The following BAZ1B variants were observed in gnomAD, a reference collection of about 807,000 sequenced individuals.
The protein encoded by BAZ1B is tyrosine-protein kinase BAZ1B.
In BAZ1B, 22 loss-of-function variants were observed where a neutral mutation model predicts 153.8. The ratio of observed to expected loss-of-function variants is 0.14; its 90% CI spans 0.10 to 0.20. BAZ1B has a LOEUF of 0.20. BAZ1B is among the 10% of genes least tolerant of loss of function. The pLI is 1.00. For synonymous variants in BAZ1B, 676 were observed against 633.4 expected (o/e 1.07, Z -1.01); for missense variants, 1,325 against 1,799.3 (o/e 0.74, Z 4.77).
chr7:73,460,989 T>G (rs1788375623), intron 12 of BAZ1B, among the ~76,000 whole-genome samples: 1 of 152,098 alleles, frequency 6.6e-6, no homozygotes, highest in African/African-American at 2.4e-5. Flanking sequence ...TGTTGTTGTT[T>G]TTTGAGACGG....
Position 73,474,464 on chromosome 7 carries a change from A to T in BAZ1B, c.2593+2404T>A, listed in dbSNP as rs528754648. Among the ~76,000 whole-genome samples, 450 of 152,312 alleles carry T rather than the reference A, an allele frequency of 3.0e-3. 3 individuals are homozygous for T. The highest frequency in any genetic ancestry group is 5.5e-3 in the Non-Finnish European group (376 of 68,010). On this transcript the variant is annotated intron_variant, in intron 7 of 19. Coordinates refer to ENST00000339594, the MANE Select transcript of BAZ1B (RefSeq NM_032408.4). ...AAATTTAAAAAACTTTTGTGCTTCAAATGATACTACTAAGAAAGTGAAAGG... is the reference window on the plus strand; with the variant it reads ...AAATTTAAAAAACTTTTGTGCTTCATATGATACTACTAAGAAAGTGAAAGG...
At chr7:73,456,699 T>C (rs1788213276) in intron 13 of BAZ1B, among the ~76,000 whole-genome samples, 1 of 151,956 alleles carries the variant, frequency 6.6e-6, no homozygotes, top group African/African-American at 2.4e-5. Flanking sequence ...GCCAGCACTC[T>C]GGGAGGCCAT....
intron 6 of BAZ1B, among the ~76,000 whole-genome samples, chr7:73,483,894 C>A (rs1436874977): frequency 1.3e-5 from 2 of 151,018 alleles, no homozygotes; most frequent in East Asian, 1.9e-4. Context: ...CCCACCTCAG[C>A]CCCTCAAACT....
rs1399242939 is a variant in BAZ1B at position 73,485,617 on chromosome 7, C to T, written c.891+3577G>A. Among the ~76,000 whole-genome samples, 6 of 135,316 alleles carry T rather than the reference C, an allele frequency of 4.4e-5. No individual in the cohort carries two copies. The East Asian group carries it at 1.0e-3, about 23-fold the overall frequency. The allele number at this position is 135,316 out of a possible 152,430, so 88.8% of individuals were successfully genotyped here. A position where few individuals can be genotyped will look rare whatever the true frequency, so the allele number is the denominator to read the frequency against. ...TCTAACCTGGGAGACAGCATAAGGC[C>T]TACCTCAGAAAAAAAAAAAAAAAAA... On this transcript the variant is annotated intron_variant, in intron 6 of 19. Transcript: ENST00000339594.
At chr7:73,474,818 A>G (rs1554572544) in intron 7 of BAZ1B, among the ~76,000 whole-genome samples, 1 of 152,186 alleles carries the variant, frequency 6.6e-6, no homozygotes, top group East Asian at 1.9e-4. Flanking sequence ...ATAGATGAAA[A>G]TATTTGTAGA....
At chr7:73,476,293 A>G (rs1788997195) in intron 7 of BAZ1B, among the ~76,000 whole-genome samples, 1 of 152,220 alleles carries the variant, frequency 6.6e-6, no homozygotes, top group Non-Finnish European at 1.5e-5. Context: ...AAGTGAACTA[A>G]TTATACTGTA....
intron 4 of BAZ1B, 56 bp downstream of exon 4, chr7:73,498,441 A>G (rs1790001806): frequency 6.6e-7 from 1 of 1,518,706 alleles, no homozygotes; most frequent in Non-Finnish European, 9.1e-7. Context: ...AGATGTGTTC[A>G]TAATAAAATA....
intron 6 of BAZ1B, among the ~76,000 whole-genome samples, chr7:73,486,309 T>G (rs1554574469): frequency 6.6e-6 from 1 of 152,060 alleles, no homozygotes; most frequent in African/African-American, 2.4e-5. Context: ...TCACTATGGG[T>G]CCTTTGGTAA....
rs758880725 is a variant in BAZ1B at position 73,522,204 on chromosome 7, T to C, written c.-271A>G. 2.1e-4 allele frequency: 84 copies of C among 390,872 alleles called. No individual in the cohort carries two copies. The highest frequency in any genetic ancestry group is 2.9e-4 in the Non-Finnish European group (65 of 221,212). The allele number at this position is 390,872 out of a possible 1,614,324, so 24.2% of individuals were successfully genotyped here. On this transcript the variant is annotated 5_prime_UTR_variant, in exon 1 of 20. Coordinates refer to ENST00000339594, the MANE Select transcript of BAZ1B (RefSeq NM_032408.4). ...CGCTTCGGGTCCCGGCGGCCGGCAGTCACGACTCCTCCTCAGCAGCACCGG... is the reference window on the plus strand; with the variant it reads ...CGCTTCGGGTCCCGGCGGCCGGCAGCCACGACTCCTCCTCAGCAGCACCGG...
chr7:73,516,183 T>C (rs575872901), intron 1 of BAZ1B, among the ~76,000 whole-genome samples: 2 of 151,988 alleles, frequency 1.3e-5, no homozygotes, highest in African/African-American at 4.8e-5. Flanking sequence ...TTTTTTATTA[T>C]TTATTTATGT....
At chr7:73,481,390 G>T (rs1230631035) in intron 6 of BAZ1B, among the ~76,000 whole-genome samples, 1 of 151,768 alleles carries the variant, frequency 6.6e-6, no homozygotes, top group Non-Finnish European at 1.5e-5. Flanking sequence ...GGTGGCGGGC[G>T]CCTGTAGTCC....
At chr7:73,456,329 G>A (rs554541884) in intron 13 of BAZ1B, among the ~76,000 whole-genome samples, 2 of 152,178 alleles carry the variant, frequency 1.3e-5, no homozygotes, top group Non-Finnish European at 2.9e-5. Context: ...CAAATGAAAT[G>A]CTTGTATGCA....
At chr7:73,452,002 G>A (rs1428934458) in intron 13 of BAZ1B, among the ~76,000 whole-genome samples, 1 of 152,196 alleles carries the variant, frequency 6.6e-6, no homozygotes, top group Non-Finnish European at 1.5e-5. Context: ...CACATGTAGT[G>A]CACACAGTAT....
intron 3 of BAZ1B, among the ~76,000 whole-genome samples, chr7:73,506,909 T>C (rs1306063925): frequency 7.1e-5 from 10 of 140,592 alleles, no homozygotes; most frequent in Non-Finnish European, 1.6e-4. Flanking sequence ...GATGGAGTCT[T>C]GCTCTGTCCC....
chr7:73,459,108 C>T (rs1270411437), intron 13 of BAZ1B, among the ~76,000 whole-genome samples: 7 of 151,904 alleles, frequency 4.6e-5, no homozygotes, highest in African/African-American at 7.2e-5. Flanking sequence ...ATTAGCTGGG[C>T]GTGGTGGCAC....
chr7:73,519,481 TATATA>T (rs1790942732), intron 1 of BAZ1B, among the ~76,000 whole-genome samples: 1 of 152,300 alleles, frequency 6.6e-6, no homozygotes, highest in African/African-American at 2.4e-5. Context: ...TTCCCCCCAA[TATATA>T]ATATGTTTTA....
At chr7:73,457,724 C>T in intron 13 of BAZ1B, among the ~76,000 whole-genome samples, 1 of 152,006 alleles carries the variant, frequency 6.6e-6, no homozygotes. Context: ...ATGGGGCTGG[C>T]CACCAGAAAG....
In BAZ1B at chr7:73,477,031, T is replaced by G; in HGVS notation, c.2430A>C (p.Lys810Asn). The change falls in exon 7 of 20, where the codon AAA becomes AAC. Residue 810 changes from lysine to asparagine, a missense_variant. Lys to Asn is a moderately conservative substitution (Grantham distance 94, BLOSUM62 0). This residue lies in a region of BAZ1B where 431 missense variants were observed against 563.5 expected (regional missense o/e 0.76). Transcript: ENST00000339594. The surrounding 1 kb of genome is among the most constrained non-coding windows in gnomAD (Gnocchi z 5.6). ...EMEAKNKENG[K>N]VENGLGKTDR... ...CAGTTTTGCCTAACCCATTCTCAACTTTTCCATTTTCTTTATTTTTGGCTT... is the reference window on the plus strand; with the variant it reads ...CAGTTTTGCCTAACCCATTCTCAACGTTTCCATTTTCTTTATTTTTGGCTT... 1 of 1,614,150 alleles carries G rather than the reference T, an allele frequency of 6.2e-7. No homozygotes were observed. The highest frequency in any genetic ancestry group is 8.5e-7 in the Non-Finnish European group (1 of 1,180,028).
At chr7:73,453,456 AAT>A (rs1788086110) in intron 13 of BAZ1B, among the ~76,000 whole-genome samples, 1 of 152,242 alleles carries the variant, frequency 6.6e-6, no homozygotes, top group African/African-American at 2.4e-5. Flanking sequence ...GTGAGTTCTC[AAT>A]GAGAAGGAAG....
Sources: allele counts gnomAD v4.1 joint callset (sites outside exome capture counted in the v4.1 genomes callset), GRCh38; gene constraint gnomAD v4.1.1; regional missense constraint gnomAD v4.1.1; non-coding constraint Gnocchi (gnomAD v3.1); transcripts MANE v1.5; gene names NCBI Gene and HGNC (gene_info 2026-07-23, HGNC 2026-07-21).